The following DNAH6 variants were observed in gnomAD, a reference collection of about 807,000 sequenced individuals.
The protein encoded by DNAH6 is dynein axonemal heavy chain 6.
A neutral mutation model predicts 491.4 loss-of-function variants in DNAH6; 340 were observed. The observed-to-expected ratio is 0.69, with a 90% CI of 0.63 to 0.76. The LOEUF is 0.76. Among genes scored for constraint, DNAH6 ranks in the 30% least tolerant of loss-of-function variants. The pLI, the probability that DNAH6 is intolerant of heterozygous loss-of-function variation, is 0.00. For missense variants in DNAH6, 4,443 were observed against 4,972.2 expected, an observed-to-expected ratio of 0.89 and a Z score of 3.20; for synonymous variants, 1,603 against 1,686.1, an observed-to-expected ratio of 0.95 and a Z score of 1.21.
At chr2:84,534,712 G>A (rs146008058) in intron 4 of DNAH6, among the ~76,000 whole-genome samples, 240 of 151,386 alleles carry the variant, frequency 1.6e-3, no homozygotes, top group Non-Finnish European at 2.6e-3. Context: ...CCTCTTGTTT[G>A]GTTTTTGATG....
intron 9 of DNAH6, among the ~76,000 whole-genome samples, chr2:84,551,478 A>G (rs1679360183): frequency 6.6e-6 from 1 of 152,166 alleles, no homozygotes; most frequent in African/African-American, 2.4e-5. Context: ...AATATTTCCA[A>G]TGTCAATGTA....
At chr2:84,651,947 A>G (rs1690489397) in intron 33 of DNAH6, among the ~76,000 whole-genome samples, 2 of 149,218 alleles carry the variant, frequency 1.3e-5, no homozygotes, top group Admixed American at 1.3e-4. Context: ...GTATATATGC[A>G]TGAGTCTTTT....
In DNAH6 at chr2:84,611,802, C is replaced by A. The variant is rs760200077; in HGVS notation, c.3423C>A (p.Ile1141=). ...FLQVDKSWKE[I]MRKVNRLPNA... is the part of the protein sequence containing the mutation. ...AGGTGGATAAGTCATGGAAAGAAAT[C>A]ATGAGAAAGGTGAATCGGCTGCCTA... The change falls in exon 22 of 77, where the codon ATC becomes ATA. Residue 1141 remains isoleucine (I), a synonymous_variant. Coordinates refer to ENST00000389394, the MANE Select transcript of DNAH6 (RefSeq NM_001370.2). 7 of 1,551,144 alleles carry A rather than the reference C, an allele frequency of 4.5e-6. No homozygotes were observed. In the South Asian group the frequency reaches 7.1e-5, roughly 16 times the overall value.
intron 75 of DNAH6, among the ~76,000 whole-genome samples, chr2:84,815,292 G>A (rs1054072766): frequency 6.6e-6 from 1 of 152,080 alleles, no homozygotes; most frequent in East Asian, 1.9e-4. Context: ...CAGACGTGAG[G>A]CTCCAATTAT....
At chr2:84,619,325 G>A (rs1163736132) in intron 23 of DNAH6, among the ~76,000 whole-genome samples, 1 of 152,164 alleles carries the variant, frequency 6.6e-6, no homozygotes, top group Non-Finnish European at 1.5e-5. Flanking sequence ...TGACATACTA[G>A]GCTACATTTT....
At chr2:84,719,509 ATTTTG>A (rs942148989) in intron 59 of DNAH6, among the ~76,000 whole-genome samples, 1 of 149,642 alleles carries the variant, frequency 6.7e-6, no homozygotes, top group African/African-American at 2.5e-5. Context: ...TTTGTTTTTT[ATTTTG>A]TTTTGTTTTG....
Position 84,551,479 on chromosome 2 carries a change from T to A in DNAH6, c.1485+1422T>A, listed in dbSNP as rs561765340. Among the ~76,000 whole-genome samples, 52 of 152,348 alleles carry A rather than the reference T, an allele frequency of 3.4e-4. 1 individual carries two copies. Among genetic ancestry groups the A allele is most frequent in the African/African-American group, 1.2e-3 (51 of 41,574 alleles). On this transcript the variant is annotated intron_variant, in intron 9 of 76. Coordinates refer to ENST00000389394, the MANE Select transcript of DNAH6 (RefSeq NM_001370.2). Reference sequence around the variant, plus strand: ...ATACAGTATTATGAAATATTTCCAATGTCAATGTATATTTTTCCATGTGAT... The same window carrying A: ...ATACAGTATTATGAAATATTTCCAAAGTCAATGTATATTTTTCCATGTGAT...
chr2:84,787,116 T>C (rs1455321011), intron 67 of DNAH6, 48 bp from the exon 68 acceptor site: 1 of 1,398,682 alleles, frequency 7.1e-7, no homozygotes. Context: ...TTACACAAAA[T>C]TAATTTTATC....
chr2:84,553,387 TTCTTTCTTTC>T (rs1449277852), intron 10 of DNAH6, among the ~76,000 whole-genome samples: 1 of 137,598 alleles, frequency 7.3e-6, no homozygotes, highest in Non-Finnish European at 1.5e-5. Flanking sequence ...CTTTCTTTCT[TTCTTTCTTTC>T]TTTCTTTCTT....
intron 33 of DNAH6, among the ~76,000 whole-genome samples, chr2:84,647,415 A>G (rs1036385469): frequency 3.9e-5 from 6 of 152,176 alleles, no homozygotes; most frequent in African/African-American, 1.4e-4. Flanking sequence ...ATGATGCCAT[A>G]TAGGACTTTC....
chr2:84,787,965 C>A (rs1217327059), intron 68 of DNAH6, among the ~76,000 whole-genome samples: 1 of 151,770 alleles, frequency 6.6e-6, no homozygotes, highest in Non-Finnish European at 1.5e-5. Context: ...TGAAAAGGGA[C>A]AGAAAGGAAA....
chr2:84,663,503 G>A (rs532634869), intron 37 of DNAH6, among the ~76,000 whole-genome samples: 7 of 152,154 alleles, frequency 4.6e-5, no homozygotes, highest in Non-Finnish European at 8.8e-5. Context: ...ATCAGAGATT[G>A]AAGATCAAAT....
intron 41 of DNAH6, among the ~76,000 whole-genome samples, chr2:84,680,773 C>T (rs894987937): frequency 2.0e-5 from 3 of 151,716 alleles, no homozygotes; most frequent in East Asian, 1.9e-4. Context: ...GGGTGATGTC[C>T]GGGGAAACAG....
At chr2:84,480,125 G>C in the DNAH6 span, among the ~76,000 whole-genome samples, 2 of 152,100 alleles carry the variant, frequency 1.3e-5, no homozygotes, top group African/African-American at 4.8e-5. Flanking sequence ...ACTTGATTTG[G>C]CTTTACACTT....
rs1414778869 is a variant in DNAH6 at position 84,598,081 on chromosome 2, G to A, written c.2868+2292G>A. ...GAATAAAGAAATCTATAGTGAGAAA[G>A]TGAACTCGTGGTTACTCGTGGAACT... On this transcript the variant is annotated intron_variant, in intron 18 of 76. Coordinates refer to ENST00000389394, the MANE Select transcript of DNAH6 (RefSeq NM_001370.2). Among the ~76,000 whole-genome samples, 3 of 151,554 alleles carry A rather than the reference G, an allele frequency of 2.0e-5. No individual in the cohort carries two copies. In the East Asian group the frequency reaches 5.8e-4, roughly 29 times the overall value.
At chr2:84,782,472 G>A (rs1383831111) in intron 65 of DNAH6, among the ~76,000 whole-genome samples, 1 of 152,146 alleles carries the variant, frequency 6.6e-6, no homozygotes, top group African/African-American at 2.4e-5. Context: ...ATTTAGTGCT[G>A]CTTATTAAGG....
chr2:84,809,868 G>A lies in DNAH6; in HGVS notation c.11739+1326G>A, dbSNP rs532666917. On this transcript the variant is annotated intron_variant, in intron 72 of 76. Coordinates refer to ENST00000389394, the MANE Select transcript of DNAH6 (RefSeq NM_001370.2). ...AGCTTCCTTATAAAAATGTGATCCA[G>A]TGGTAGTATACATCCTTTCTTCTTA... Among the ~76,000 whole-genome samples, 4 of 152,266 alleles carry A rather than the reference G, an allele frequency of 2.6e-5. No individual in the cohort carries two copies. The South Asian group carries it at 8.3e-4, about 32-fold the overall frequency.
intron 4 of DNAH6, among the ~76,000 whole-genome samples, chr2:84,537,870 G>A (rs1677847174): frequency 6.6e-6 from 1 of 152,020 alleles, no homozygotes; most frequent in South Asian, 2.1e-4. Flanking sequence ...GGAACTGTGG[G>A]TGCTTTTATA....
chr2:84,479,256 A>C, the DNAH6 span, among the ~76,000 whole-genome samples: 1 of 152,198 alleles, frequency 6.6e-6, no homozygotes, highest in Non-Finnish European at 1.5e-5. Context: ...GTATGGTCTC[A>C]CTTTGGGCTG....
Sources: gnomAD v4.1 joint callset for allele counts (sites outside exome capture counted in the v4.1 genomes callset) on GRCh38, gnomAD v4.1.1 for gene constraint, MANE v1.5 for transcripts, NCBI Gene and HGNC (gene_info 2026-07-23, HGNC 2026-07-21) for gene names.